PPP2R2C: variants seen among roughly 807,000 people sequenced by gnomAD.
PPP2R2C encodes protein phosphatase 2 regulatory subunit Bgamma.
A neutral mutation model predicts 45.3 loss-of-function variants in PPP2R2C; 10 were observed. That is an observed-to-expected ratio of 0.22 (90% CI 0.14 to 0.37). The LOEUF (loss-of-function observed/expected upper bound fraction) is 0.37, where lower values mean the gene tolerates loss of function less well. PPP2R2C is among the 10% of genes least tolerant of loss of function. The probability of loss-of-function intolerance (pLI) is 1.00; values close to 1 mark genes in which losing one functional copy is unlikely to be tolerated. For missense variants in PPP2R2C, 308 were observed against 619.7 expected (o/e 0.50, Z 5.34); for synonymous variants, 257 against 245.4 (o/e 1.05, Z -0.44).
chr4:6,414,070 CTGTGTA>C (rs1553896124), intron 1 of PPP2R2C: 32,109 of 1,193,552 alleles, frequency 0.027, 2,649 homozygotes, highest in Admixed American at 0.078. Context: ...TAAGTTTTGC[CTGTGTA>C]TGTGTGTGTG....
At chr4:6,381,585 G>C in intron 1 of PPP2R2C, 1 of 1,441,090 alleles carries the variant, frequency 6.9e-7, no homozygotes, top group Middle Eastern at 2.0e-4. Flanking sequence ...GTAGGACAGA[G>C]GTGAATTACC....
chr4:6,326,720 G>A (rs924757931), intron 8 of PPP2R2C, among the ~76,000 whole-genome samples: 11 of 152,338 alleles, frequency 7.2e-5, no homozygotes, highest in Admixed American at 4.6e-4. Flanking sequence ...CGGTGGCGAG[G>A]GTAGAATGTG....
At chr4:6,386,328 C>CA (rs891449788) in intron 1 of PPP2R2C, among the ~76,000 whole-genome samples, 30 of 150,796 alleles carry the variant, frequency 2.0e-4, no homozygotes, top group African/African-American at 7.5e-4. Context: ...GAGCAGCAAA[C>CA]AGAGTCTGAG....
chr4:6,551,972 A>G (rs906221356), intron 1 of PPP2R2C, among the ~76,000 whole-genome samples: 3 of 152,192 alleles, frequency 2.0e-5, no homozygotes, highest in African/African-American at 7.2e-5. Flanking sequence ...AACTGGAGAG[A>G]AAGTGGAGAG....
intron 1 of PPP2R2C, among the ~76,000 whole-genome samples, chr4:6,391,513 G>A (rs772613153): frequency 1.1e-4 from 16 of 152,238 alleles, no homozygotes; most frequent in Non-Finnish European, 2.1e-4. Context: ...TAGCAGAGCC[G>A]GCAGATGATG....
chr4:6,511,492 G>A (rs1321927526), intron 2 of PPP2R2C, among the ~76,000 whole-genome samples: 7 of 90,770 alleles, frequency 7.7e-5, no homozygotes, highest in Non-Finnish European at 1.4e-4. Flanking sequence ...GGTGTTGGTG[G>A]TGATGGCGGT....
intron 1 of PPP2R2C, among the ~76,000 whole-genome samples, chr4:6,559,935 GT>G (rs1467488029): frequency 2.0e-5 from 3 of 152,248 alleles, no homozygotes; most frequent in Non-Finnish European, 4.4e-5. Context: ...TGTGTTCCAT[GT>G]GCTAATCAGA....
Position 6,471,273 on chromosome 4 carries a change from C to G in PPP2R2C, c.70+887G>C, listed in dbSNP as rs80284658. 2.0e-5 allele frequency among the ~76,000 whole-genome samples: 3 copies of G among 152,156 alleles called. No homozygotes were observed. The highest frequency in any genetic ancestry group is 7.2e-5 in the African/African-American group (3 of 41,452). On this transcript the variant is annotated intron_variant, in intron 1 of 8. Transcript: ENST00000382599. The surrounding 1 kb of genome is among the most constrained non-coding windows in gnomAD (Gnocchi z 5.6). ...GGCTCCAGCACAGGCGGCCCCGAGC[C>G]CAGACCTCCCGGTCCCCATCCTCCA...
At chr4:6,539,747 C>T (rs1467290613) in intron 1 of PPP2R2C, among the ~76,000 whole-genome samples, 1 of 152,334 alleles carries the variant, frequency 6.6e-6, no homozygotes, top group Non-Finnish European at 1.5e-5. Context: ...GCGGAAGCTG[C>T]ACTAGGCATT....
intron 6 of PPP2R2C, among the ~76,000 whole-genome samples, chr4:6,343,780 C>A (rs945341532): frequency 6.6e-6 from 1 of 152,130 alleles, no homozygotes; most frequent in Non-Finnish European, 1.5e-5. Context: ...CCTAAGATTT[C>A]AAGGAGCAGA....
At chr4:6,353,060 CAG>C (rs1022230944) in intron 5 of PPP2R2C, among the ~76,000 whole-genome samples, 1 of 152,122 alleles carries the variant, frequency 6.6e-6, no homozygotes, top group African/African-American at 2.4e-5. Flanking sequence ...CTAGAACCTT[CAG>C]AGAGAGCACG....
At chr4:6,500,217 G>A (rs993524911) in intron 2 of PPP2R2C, among the ~76,000 whole-genome samples, 4 of 152,082 alleles carry the variant, frequency 2.6e-5, no homozygotes, top group Non-Finnish European at 4.4e-5. Flanking sequence ...GCGTGATCTC[G>A]GCTCACTGCA....
At chr4:6,346,690 G>A (rs1413335691) in intron 6 of PPP2R2C, among the ~76,000 whole-genome samples, 2 of 152,202 alleles carry the variant, frequency 1.3e-5, no homozygotes, top group Non-Finnish European at 2.9e-5. Flanking sequence ...GCCAAGGAAG[G>A]AGGCAGAAGC....
chr4:6,457,398 G>A (rs1352965126), intron 1 of PPP2R2C, among the ~76,000 whole-genome samples: 1 of 151,932 alleles, frequency 6.6e-6, no homozygotes, highest in African/African-American at 2.4e-5. Context: ...TTGAGACAGG[G>A]TCTGGCTCTG....
chr4:6,337,693 C>G (rs997900231), intron 6 of PPP2R2C, among the ~76,000 whole-genome samples: 1 of 152,072 alleles, frequency 6.6e-6, no homozygotes, highest in Non-Finnish European at 1.5e-5. Flanking sequence ...AACGAGTGGC[C>G]AAGTATCCTA....
chr4:6,535,777 C>T (rs1724589917), intron 1 of PPP2R2C, among the ~76,000 whole-genome samples: 1 of 152,216 alleles, frequency 6.6e-6, no homozygotes, highest in South Asian at 2.1e-4. Context: ...AGCCCCGCCC[C>T]ACCCCATACA....
At chr4:6,370,489 G>A (rs1043591804) in intron 5 of PPP2R2C, among the ~76,000 whole-genome samples, 1 of 152,160 alleles carries the variant, frequency 6.6e-6, no homozygotes, top group Non-Finnish European at 1.5e-5. Context: ...CCAGGGAGAG[G>A]TACAGGAGTC....
At chr4:6,385,394 A>G (rs1455233552) in intron 1 of PPP2R2C, among the ~76,000 whole-genome samples, 1 of 152,100 alleles carries the variant, frequency 6.6e-6, no homozygotes, top group Non-Finnish European at 1.5e-5. Context: ...TCTCATCAGT[A>G]AGGCCATAAA....
intron 8 of PPP2R2C, among the ~76,000 whole-genome samples, chr4:6,326,214 G>C (rs1731925365): frequency 6.6e-6 from 1 of 152,212 alleles, no homozygotes; most frequent in African/African-American, 2.4e-5. Context: ...AATGATTTGG[G>C]GGTCATCTCT....
Sources: allele counts gnomAD v4.1 joint callset (sites outside exome capture counted in the v4.1 genomes callset), GRCh38; gene constraint gnomAD v4.1.1; non-coding constraint Gnocchi (gnomAD v3.1); transcripts MANE v1.5; gene names NCBI Gene and HGNC (gene_info 2026-07-23, HGNC 2026-07-21).